Variants in CACNA2D3 observed in about 807,000 individuals in gnomAD.
The protein encoded by CACNA2D3 is voltage-dependent calcium channel subunit alpha-2/delta-3.
CACNA2D3 carries 60 observed loss-of-function variants against 160.6 expected under a neutral mutation model. The observed-to-expected ratio is 0.37, with a 90% CI of 0.30 to 0.46. The LOEUF is 0.46. CACNA2D3 is among the 20% of genes least tolerant of loss of function. The pLI is 1.00. For synonymous variants in CACNA2D3, 558 were observed against 492.9 expected (o/e 1.13, Z -1.75); for missense variants, 1,205 against 1,365.0 (o/e 0.88, Z 1.85).
rs1434708157 is a variant in CACNA2D3, at chr3:54,257,274, C to T, written c.205-63168C>T. On this transcript the variant is annotated intron_variant, in intron 2 of 37. Coordinates refer to ENST00000474759, the MANE Select transcript of CACNA2D3 (RefSeq NM_018398.3). The stretch of plus-strand genomic sequence containing the variant: ...TCCGTCAGCTCAGAAGGCACCAGAA[C>T]TGTCCCCTGCAAGCTGTAATGTACG... Among the ~76,000 whole-genome samples the T allele has an allele frequency of 2.0e-5, 3 of 152,336 alleles. No individual in the cohort carries two copies. In the East Asian group the frequency reaches 5.8e-4, roughly 29 times the overall value.
intron 9 of CACNA2D3, among the ~76,000 whole-genome samples, chr3:54,603,205 G>A (rs934732051): frequency 4.6e-5 from 7 of 152,206 alleles, no homozygotes; most frequent in South Asian, 2.1e-4. Context: ...CAGCCCGCCC[G>A]GCAGGAAGAG....
intron 11 of CACNA2D3, among the ~76,000 whole-genome samples, chr3:54,684,755 TA>T (rs5849052): frequency 0.82 from 124,410 of 151,588 alleles, 53,113 homozygotes; most frequent in Non-Finnish European, 0.94. Context: ...TTTGTCATGT[TA>T]AAAAAAAAAT....
chr3:54,460,323 T>C (rs977099877), intron 4 of CACNA2D3, among the ~76,000 whole-genome samples: 2 of 152,216 alleles, frequency 1.3e-5, no homozygotes, highest in Non-Finnish European at 2.9e-5. Context: ...AAGTTATTGG[T>C]AGCTTGAAGG....
chr3:55,009,842 C>G (rs891961481), intron 34 of CACNA2D3, among the ~76,000 whole-genome samples: 1 of 152,172 alleles, frequency 6.6e-6, no homozygotes, highest in Non-Finnish European at 1.5e-5. Context: ...GAACATAAAT[C>G]TGACCACATT....
chr3:54,545,033 G>A (rs879778391), intron 5 of CACNA2D3, among the ~76,000 whole-genome samples: 6 of 152,174 alleles, frequency 3.9e-5, no homozygotes, highest in Non-Finnish European at 7.3e-5. Context: ...CATCAAATGC[G>A]TTAGGACTCT....
At chr3:54,864,390 C>T (rs1236613185) in intron 17 of CACNA2D3, among the ~76,000 whole-genome samples, 1 of 152,124 alleles carries the variant, frequency 6.6e-6, no homozygotes, top group Non-Finnish European at 1.5e-5. Flanking sequence ...TTTTGTGCCT[C>T]AACCTCCAGA....
intron 27 of CACNA2D3, among the ~76,000 whole-genome samples, chr3:54,903,141 A>C (rs1700376892): frequency 6.6e-6 from 1 of 152,046 alleles, no homozygotes; most frequent in South Asian, 2.1e-4. Context: ...TGTACAGATT[A>C]TTTTATTGCA....
chr3:54,360,094 C>G (rs118076291), intron 3 of CACNA2D3, among the ~76,000 whole-genome samples: 2 of 152,210 alleles, frequency 1.3e-5, no homozygotes, highest in South Asian at 2.1e-4. Flanking sequence ...GTTGGCCCCC[C>G]ACCTTTTTTT....
intron 5 of CACNA2D3, among the ~76,000 whole-genome samples, chr3:54,519,212 G>A (rs1034873196): frequency 2.4e-5 from 3 of 125,646 alleles, no homozygotes; most frequent in African/African-American, 9.0e-5. Flanking sequence ...AGTCATCACT[G>A]AGAAAGAGGC....
chr3:54,445,792 G>A (rs1412477031), intron 4 of CACNA2D3, among the ~76,000 whole-genome samples: 2 of 152,178 alleles, frequency 1.3e-5, no homozygotes, highest in Non-Finnish European at 1.5e-5. Context: ...GAAAGGAGGG[G>A]ATGGGCCAGC....
chr3:54,886,273 A>G (rs1699923896), intron 23 of CACNA2D3, among the ~76,000 whole-genome samples: 1 of 152,188 alleles, frequency 6.6e-6, no homozygotes, highest in African/African-American at 2.4e-5. Context: ...ATCTAATCCT[A>G]TGAGAGGTGT....
chr3:54,856,039 A>T (rs965106828), intron 17 of CACNA2D3, among the ~76,000 whole-genome samples: 1 of 152,184 alleles, frequency 6.6e-6, no homozygotes, highest in Non-Finnish European at 1.5e-5. Context: ...GACATTGTAG[A>T]AATATCATGA....
chr3:54,651,050 C>T (rs773789464), intron 11 of CACNA2D3, among the ~76,000 whole-genome samples: 5 of 152,192 alleles, frequency 3.3e-5, no homozygotes, highest in African/African-American at 4.8e-5. Context: ...AATGACCACT[C>T]CAGCACTCAA....
At chr3:54,377,730 C>T (rs1699034535) in intron 3 of CACNA2D3, among the ~76,000 whole-genome samples, 1 of 152,208 alleles carries the variant, frequency 6.6e-6, no homozygotes, top group Non-Finnish European at 1.5e-5. Flanking sequence ...TGTTCTGACT[C>T]TACTGTAACA....
intron 2 of CACNA2D3, among the ~76,000 whole-genome samples, chr3:54,291,948 T>A (rs1194917350): frequency 1.3e-5 from 2 of 152,166 alleles, no homozygotes; most frequent in East Asian, 3.8e-4. Context: ...TGGTAAGTAA[T>A]TATTGACCAA....
At chr3:54,491,648 C>A (rs1221781686) in intron 4 of CACNA2D3, among the ~76,000 whole-genome samples, 1 of 152,164 alleles carries the variant, frequency 6.6e-6, no homozygotes, top group Admixed American at 6.5e-5. Context: ...CGGGCCATGT[C>A]CTGCCAGCTG....
intron 29 of CACNA2D3, among the ~76,000 whole-genome samples, chr3:54,971,479 T>C (rs1374713819): frequency 6.6e-6 from 1 of 152,174 alleles, no homozygotes; most frequent in African/African-American, 2.4e-5. Flanking sequence ...GTTGGCTGAT[T>C]GTACAGATGG....
intron 2 of CACNA2D3, among the ~76,000 whole-genome samples, chr3:54,130,543 A>G (rs572651665): frequency 1.3e-5 from 2 of 152,020 alleles, no homozygotes; most frequent in Non-Finnish European, 2.9e-5. Flanking sequence ...TAAGCCCTTT[A>G]CTTATGACAT....
At chr3:54,545,667 G>T (rs1157309516) in intron 5 of CACNA2D3, among the ~76,000 whole-genome samples, 1 of 152,168 alleles carries the variant, frequency 6.6e-6, no homozygotes, top group African/African-American at 2.4e-5. Flanking sequence ...ATATGGTATG[G>T]AAGTGCTTCA....
Sources: allele counts gnomAD v4.1 joint callset (sites outside exome capture counted in the v4.1 genomes callset), GRCh38; gene constraint gnomAD v4.1.1; transcripts MANE v1.5; gene names NCBI Gene and HGNC (gene_info 2026-07-23, HGNC 2026-07-21).